CNTNAP4: variants seen among roughly 807,000 people sequenced by gnomAD.
CNTNAP4 encodes the protein contactin-associated protein-like 4.
In CNTNAP4, 98 loss-of-function variants were observed where a neutral mutation model predicts 148.4. That is an observed-to-expected ratio of 0.66 (90% CI 0.56 to 0.78). The LOEUF is 0.78. CNTNAP4 is among the 30% of genes least tolerant of loss of function. CNTNAP4 has a pLI of 0.00. For missense variants in CNTNAP4, 1,935 were observed against 1,565.6 expected, an observed-to-expected ratio of 1.24 and a Z score of -3.98; for synonymous variants, 730 against 565.1, an observed-to-expected ratio of 1.29 and a Z score of -4.14.
chr16:76,544,872 A>C (rs2084640051), intron 21 of CNTNAP4, among the ~76,000 whole-genome samples: 1 of 152,192 alleles, frequency 6.6e-6, no homozygotes, highest in South Asian at 2.1e-4. Context: ...GATTTAGGCC[A>C]GATGTAAATA....
chr16:76,497,493 A>G (rs2082439221), intron 14 of CNTNAP4, among the ~76,000 whole-genome samples: 1 of 152,224 alleles, frequency 6.6e-6, no homozygotes, highest in Admixed American at 6.5e-5. Flanking sequence ...TGGAAGTACA[A>G]GAAATCATAT....
chr16:76,348,427 G>A (rs12325498), intron 2 of CNTNAP4, among the ~76,000 whole-genome samples: 28,100 of 151,864 alleles, frequency 0.19, 3,339 homozygotes, highest in East Asian at 0.46. Flanking sequence ...GGCTAAGAGA[G>A]ATCAACGGGG....
chr16:76,315,152 G>A (rs968602036), intron 1 of CNTNAP4, among the ~76,000 whole-genome samples: 6 of 152,044 alleles, frequency 3.9e-5, no homozygotes, highest in African/African-American at 1.4e-4. Context: ...TTGGCCATTG[G>A]GTATCTGGTC....
intron 15 of CNTNAP4, among the ~76,000 whole-genome samples, chr16:76,517,399 C>T (rs955387000): frequency 6.6e-6 from 1 of 152,116 alleles, no homozygotes; most frequent in South Asian, 2.1e-4. Flanking sequence ...ATTTCTTACA[C>T]CTGCGTAAGA....
intron 3 of CNTNAP4, among the ~76,000 whole-genome samples, chr16:76,406,624 C>T (rs974139138): frequency 1.3e-5 from 2 of 152,100 alleles, no homozygotes; most frequent in African/African-American, 2.4e-5. Flanking sequence ...CTTCAGTGAA[C>T]ACATGAATGA....
intron 3 of CNTNAP4, among the ~76,000 whole-genome samples, chr16:76,395,434 T>A (rs1251912049): frequency 6.6e-6 from 1 of 151,052 alleles, no homozygotes; most frequent in Non-Finnish European, 1.5e-5. Context: ...CTGGGCTAAT[T>A]TTTTGTATTT....
chr16:76,379,869 G>A (rs1268622512), intron 3 of CNTNAP4, among the ~76,000 whole-genome samples: 2 of 152,114 alleles, frequency 1.3e-5, no homozygotes, highest in Non-Finnish European at 2.9e-5. Flanking sequence ...GATATGTGAA[G>A]GATTTCTCTA....
At chr16:76,401,513 T>C (rs1261855484) in intron 3 of CNTNAP4, among the ~76,000 whole-genome samples, 1 of 152,198 alleles carries the variant, frequency 6.6e-6, no homozygotes, top group African/African-American at 2.4e-5. Flanking sequence ...TGACTTCCTC[T>C]CTTCCTATTT....
intron 3 of CNTNAP4, among the ~76,000 whole-genome samples, chr16:76,414,115 A>C (rs769599664): frequency 5.3e-5 from 8 of 151,360 alleles, no homozygotes; most frequent in Non-Finnish European, 7.4e-5. Context: ...TATACAGAAC[A>C]TACTTGTCAC....
intron 3 of CNTNAP4, among the ~76,000 whole-genome samples, chr16:76,374,003 A>C (rs1265438131): frequency 6.6e-6 from 1 of 152,200 alleles, no homozygotes; most frequent in Non-Finnish European, 1.5e-5. Context: ...ATACAGTCCA[A>C]AATGAATCAC....
chr16:76,367,565 T>A (rs2014295833), intron 3 of CNTNAP4, among the ~76,000 whole-genome samples: 1 of 152,210 alleles, frequency 6.6e-6, no homozygotes, highest in African/African-American at 2.4e-5. Context: ...AAGACTGACA[T>A]TCTGACTGAC....
At chr16:76,341,569 T>C (rs1170547937) in intron 2 of CNTNAP4, among the ~76,000 whole-genome samples, 1 of 152,204 alleles carries the variant, frequency 6.6e-6, no homozygotes, top group Admixed American at 6.5e-5. Flanking sequence ...AGGCTAGAAT[T>C]ATGTGGCCAT....
In CNTNAP4 at chr16:76,326,140, C is replaced by T. The variant is rs532680844; in HGVS notation, c.196+9617C>T. ...ACTCATTCAAGGAGGCCAGCATAAC[C>T]TTGATACCAAACAGTGTCAAGGACA... On this transcript the variant is annotated intron_variant, in intron 2 of 23. Transcript: ENST00000611870. 5.3e-5 allele frequency among the ~76,000 whole-genome samples: 8 copies of T among 152,260 alleles called. No individual in the cohort carries two copies. The South Asian group carries it at 1.7e-3, about 32-fold the overall frequency.
rs535691616 is a variant in CNTNAP4, at chr16:76,560,461, G to A, written c.*1778G>A. 1.3e-5 allele frequency among the ~76,000 whole-genome samples: 2 copies of A among 152,186 alleles called. No individual in the cohort carries two copies. The highest frequency in any genetic ancestry group is 2.9e-5 in the Non-Finnish European group (2 of 68,028). On this transcript the variant is annotated 3_prime_UTR_variant, in exon 24 of 24. Coordinates refer to ENST00000611870, the MANE Select transcript of CNTNAP4 (RefSeq NM_033401.5). ...TTGATTGGAAGATCTATGGTGACAA[G>A]GGAAGGATTTAACATAGAAATGGCA...
intron 15 of CNTNAP4, among the ~76,000 whole-genome samples, chr16:76,502,522 G>C (rs563562082): frequency 1.4e-3 from 215 of 152,216 alleles, no homozygotes; most frequent in African/African-American, 5.0e-3. Context: ...AATAATTTAA[G>C]ACTGAGAAAT....
chr16:76,498,790 A>AAG, intron 15 of CNTNAP4, 96 bp downstream of exon 15: 1 of 1,216,382 alleles, frequency 8.2e-7, no homozygotes. Flanking sequence ...TATAATAACT[A>AAG]ATCAGACTTC....
At chr16:76,420,279 A>ATATTAGAATAATATATATTCTGTAG (rs1324649016) in intron 3 of CNTNAP4, among the ~76,000 whole-genome samples, 1 of 150,216 alleles carries the variant, frequency 6.7e-6, no homozygotes. Context: ...TATAGGAGAT[A>ATATTAGAATAATATATATTCTGTAG]AATATTAATT....
intron 1 of CNTNAP4, among the ~76,000 whole-genome samples, chr16:76,285,561 A>G (rs1958846113): frequency 6.6e-6 from 1 of 152,046 alleles, no homozygotes; most frequent in South Asian, 2.1e-4. Context: ...CGTAAAAGAC[A>G]TATTAGTTTC....
At chr16:76,298,359 A>G (rs1959534626) in intron 1 of CNTNAP4, among the ~76,000 whole-genome samples, 1 of 152,170 alleles carries the variant, frequency 6.6e-6, no homozygotes, top group Non-Finnish European at 1.5e-5. Flanking sequence ...CAGCCATATG[A>G]AAGGTTGATT....
Sources: gnomAD v4.1 joint callset for allele counts (sites outside exome capture counted in the v4.1 genomes callset) on GRCh38, gnomAD v4.1.1 for gene constraint, MANE v1.5 for transcripts, NCBI Gene and HGNC (gene_info 2026-07-23, HGNC 2026-07-21) for gene names.